Variants in ZIM2 observed in about 807,000 individuals in gnomAD.
ZIM2 encodes zinc finger protein 656.
ZIM2 carries 14 observed loss-of-function variants against 38.6 expected under a neutral mutation model. The observed-to-expected ratio is 0.36, with a 90% CI of 0.24 to 0.57. The LOEUF (loss-of-function observed/expected upper bound fraction) is 0.57, where lower values mean the gene tolerates loss of function less well. ZIM2 is among the 20% of genes least tolerant of loss of function. The probability of loss-of-function intolerance (pLI) is 0.81; values close to 1 mark genes in which losing one functional copy is unlikely to be tolerated. For synonymous variants in ZIM2, 247 were observed against 245.8 expected (o/e 1.00, Z -0.04); for missense variants, 680 against 695.1 (o/e 0.98, Z 0.24).
At chr19:56,836,793 A>G (rs758523631) in intron 1 of ZIM2, among the ~76,000 whole-genome samples, 69 of 152,006 alleles carry the variant, frequency 4.5e-4, no homozygotes, top group Admixed American at 1.0e-3. Flanking sequence ...AAATGGCGAA[A>G]CCCCTGGTCT....
chr19:56,793,558 C>A (rs78747745), intron 9 of ZIM2, among the ~76,000 whole-genome samples: 2,502 of 152,236 alleles, frequency 0.016, 80 homozygotes, highest in African/African-American at 0.057. Flanking sequence ...GTGATCTGAA[C>A]AAGTATTACA....
At chr19:56,817,322 C>T in intron 9 of ZIM2, 1 of 1,614,154 alleles carries the variant, frequency 6.2e-7, no homozygotes, top group Non-Finnish European at 8.5e-7. Flanking sequence ...AACCTAAAGC[C>T]TCCCCTAAAT....
intron 12 of ZIM2, among the ~76,000 whole-genome samples, chr19:56,778,384 A>C (rs560447348): frequency 6.6e-6 from 1 of 152,262 alleles, no homozygotes; most frequent in East Asian, 1.9e-4. Flanking sequence ...CCACTTTTCC[A>C]CTCACACAGA....
In ZIM2 at chr19:56,814,328, G is replaced by GGGCTGCTGCTGCTGC. The variant is rs776928681; in HGVS notation, c.490+3403_490+3417dup. The GGGCTGCTGCTGCTGC allele has an allele frequency of 2.0e-5, 33 of 1,613,906 alleles. No individual in the cohort carries two copies. The Admixed American group carries it at 4.0e-4, about 20-fold the overall frequency. On this transcript the variant is annotated intron_variant, in intron 9 of 12. Coordinates refer to ENST00000629319, the MANE Select transcript of ZIM2 (RefSeq NM_001387356.1). The surrounding 1 kb of genome is among the most constrained non-coding windows in gnomAD (Gnocchi z 5.8). ...ACATGGACATTGGCTTCAACTTCCT[G>GGGCTGCTGCTGCTGC]GGCTGCTGCTGCTGCAGCTGCTGCT...
intron 9 of ZIM2, among the ~76,000 whole-genome samples, chr19:56,801,439 C>T (rs1014619432): frequency 1.3e-5 from 2 of 152,118 alleles, no homozygotes; most frequent in African/African-American, 2.4e-5. Flanking sequence ...CTCTATGATG[C>T]CCCTTCCAGC....
intron 9 of ZIM2, chr19:56,815,905 C>T (rs1306351296): frequency 6.2e-7 from 1 of 1,612,222 alleles, no homozygotes; most frequent in Non-Finnish European, 8.5e-7. Flanking sequence ...TCCATTGTGA[C>T]TTCTTGGAGG....
chr19:56,814,720 T>C lies in ZIM2; in HGVS notation c.490+3026A>G. 1.2e-6 allele frequency: 2 copies of C among 1,614,078 alleles called. No homozygotes were observed. The highest frequency in any genetic ancestry group is 8.5e-7 in the Non-Finnish European group (1 of 1,179,974). On this transcript the variant is annotated intron_variant, in intron 9 of 12. Coordinates refer to ENST00000629319, the MANE Select transcript of ZIM2 (RefSeq NM_001387356.1). The surrounding 1 kb of genome is among the most constrained non-coding windows in gnomAD (Gnocchi z 5.8). ...TTCCCTATGAAGTCTCATATGCTCA[T>C]TAAGGGCAGAGCTATGAATGAAGCC...
intron 9 of ZIM2, among the ~76,000 whole-genome samples, chr19:56,803,653 T>C (rs565817548): frequency 6.6e-6 from 1 of 152,308 alleles, no homozygotes; most frequent in South Asian, 2.1e-4. Flanking sequence ...TATTGGAAGC[T>C]GGAAGAAAAC....
intron 2 of ZIM2, among the ~76,000 whole-genome samples, chr19:56,829,243 C>T (rs2061351850): frequency 6.6e-6 from 1 of 151,060 alleles, no homozygotes; most frequent in Non-Finnish European, 1.5e-5. Context: ...ACTCAGGAGG[C>T]TGAGGCAGGA....
At chr19:56,793,683 T>G (rs537878341) in intron 9 of ZIM2, among the ~76,000 whole-genome samples, 1 of 152,194 alleles carries the variant, frequency 6.6e-6, no homozygotes, top group South Asian at 2.1e-4. Context: ...CCCTCCAAAA[T>G]GTCCAAAATG....
intron 12 of ZIM2, 139 bp from the exon 13 acceptor site, chr19:56,775,668 A>AT (rs1282874832): frequency 2.1e-6 from 3 of 1,404,370 alleles, no homozygotes; most frequent in African/African-American, 2.9e-5. Flanking sequence ...AAAAAAAAAA[A>AT]GTAAAAATTC....
At chr19:56,822,583 G>T in intron 6 of ZIM2, 170 bp downstream of exon 6, 1 of 773,988 alleles carries the variant, frequency 1.3e-6, no homozygotes, top group Non-Finnish European at 2.1e-6. Flanking sequence ...CTGTGCTGGT[G>T]GTACCGAGTG....
chr19:56,820,865 G>A (rs1307154616), intron 7 of ZIM2, among the ~76,000 whole-genome samples: 3 of 152,152 alleles, frequency 2.0e-5, no homozygotes, highest in African/African-American at 7.2e-5. Context: ...ACATGGGATG[G>A]GTACTGATAT....
chr19:56,786,075 C>A (rs748142329), intron 10 of ZIM2, among the ~76,000 whole-genome samples: 10 of 152,124 alleles, frequency 6.6e-5, no homozygotes, highest in Non-Finnish European at 1.5e-4. Flanking sequence ...CCCTAGGCAA[C>A]CACTAACATA....
chr19:56,808,652 G>A (rs904461951), intron 9 of ZIM2, among the ~76,000 whole-genome samples: 8 of 152,244 alleles, frequency 5.3e-5, no homozygotes, highest in African/African-American at 1.9e-4. Flanking sequence ...GACAGTGTAT[G>A]TTCATTGCTC....
At chr19:56,837,934 T>C (rs1265119822) in intron 1 of ZIM2, among the ~76,000 whole-genome samples, 1 of 152,216 alleles carries the variant, frequency 6.6e-6, no homozygotes, top group Non-Finnish European at 1.5e-5. Flanking sequence ...ACCCGCCACA[T>C]TGAATGCCGG....
intron 2 of ZIM2, among the ~76,000 whole-genome samples, chr19:56,827,018 G>C (rs1295091375): frequency 6.6e-6 from 1 of 152,070 alleles, no homozygotes; most frequent in Non-Finnish European, 1.5e-5. Flanking sequence ...AATACAAATA[G>C]CCCAACCTGA....
In ZIM2 at chr19:56,778,844, G is replaced by A. The variant is rs1363355063; in HGVS notation, c.835+533C>T. On this transcript the variant is annotated intron_variant, in intron 12 of 12. Transcript: ENST00000629319. ...TTAGACTGTAGCCATAGAGTTTGGA[G>A]GAGGTGAAGTCTATGGTTCCAGAAC... Among the ~76,000 whole-genome samples, 3 of 152,146 alleles carry A rather than the reference G, an allele frequency of 2.0e-5. No homozygotes were observed. In the East Asian group the frequency reaches 5.8e-4, roughly 29 times the overall value.
chr19:56,821,998 T>C (rs964595451), intron 6 of ZIM2, among the ~76,000 whole-genome samples: 1 of 152,018 alleles, frequency 6.6e-6, no homozygotes, highest in African/African-American at 2.4e-5. Flanking sequence ...CGGAGGTGGT[T>C]CAGATTGTGC....
Sources: allele counts gnomAD v4.1 joint callset (sites outside exome capture counted in the v4.1 genomes callset), GRCh38; gene constraint gnomAD v4.1.1; non-coding constraint Gnocchi (gnomAD v3.1); transcripts MANE v1.5; gene names NCBI Gene and HGNC (gene_info 2026-07-23, HGNC 2026-07-21).